Variants in SLC71A2 observed in about 807,000 individuals in gnomAD.
The protein encoded by SLC71A2 is solute carrier family 71 member 2.
the SLC71A2 span, chr9:94,440,876 A>G: frequency 5.0e-6 from 3 of 605,490 alleles, no homozygotes; most frequent in Non-Finnish European, 8.8e-6. Flanking sequence ...TACATATACA[A>G]GTATACTTAT....
chr9:94,451,537 A>G, the SLC71A2 span: 8 of 1,451,728 alleles, frequency 5.5e-6, no homozygotes, highest in Non-Finnish European at 7.5e-6. Flanking sequence ...GGTGAGTATC[A>G]TTTTATCTAT....
chr9:94,403,857 C>G, the SLC71A2 span, among the ~76,000 whole-genome samples: 2 of 152,174 alleles, frequency 1.3e-5, no homozygotes, highest in Non-Finnish European at 1.5e-5. Context: ...AAAAAAATCA[C>G]AGCTGCTGTA....
At chr9:94,400,368 T>C in the SLC71A2 span, among the ~76,000 whole-genome samples, 4 of 152,104 alleles carry the variant, frequency 2.6e-5, no homozygotes, top group South Asian at 2.1e-4. Flanking sequence ...AAAGAACTCA[T>C]TGGAGACAAA....
At chr9:94,459,695 T>G in the SLC71A2 span, 1 of 349,738 alleles carries the variant, frequency 2.9e-6, no homozygotes, top group Admixed American at 4.3e-5. Context: ...ATAGAAAAAG[T>G]CATCTCTCTG....
At chr9:94,389,806 C>T in the SLC71A2 span, among the ~76,000 whole-genome samples, 1 of 152,114 alleles carries the variant, frequency 6.6e-6, no homozygotes, top group South Asian at 2.1e-4. Flanking sequence ...TGGGGTCTCA[C>T]TATGTTGCCC....
the SLC71A2 span, among the ~76,000 whole-genome samples, chr9:94,400,647 T>C: frequency 2.0e-5 from 3 of 152,056 alleles, no homozygotes; most frequent in Admixed American, 2.0e-4. Context: ...AGTGAGGTTG[T>C]TTCCTGTGTT....
chr9:94,382,582 G>T, the SLC71A2 span, among the ~76,000 whole-genome samples: 1 of 151,764 alleles, frequency 6.6e-6, no homozygotes, highest in South Asian at 2.1e-4. Flanking sequence ...TTATCAATTT[G>T]CTCTTTTATA....
chr9:94,419,464 T>TTTTG, the SLC71A2 span, among the ~76,000 whole-genome samples: 2 of 151,962 alleles, frequency 1.3e-5, no homozygotes, highest in African/African-American at 4.8e-5. Context: ...TGGCTCTTTT[T>TTTTG]TTTTGTTTTG....
At chr9:94,378,028 T>C in the SLC71A2 span, among the ~76,000 whole-genome samples, 1 of 150,854 alleles carries the variant, frequency 6.6e-6, no homozygotes, top group African/African-American at 2.4e-5. Flanking sequence ...CGCTTGAACC[T>C]GGGAGGCGGA....
the SLC71A2 span, among the ~76,000 whole-genome samples, chr9:94,436,314 C>T: frequency 6.6e-6 from 1 of 152,126 alleles, no homozygotes; most frequent in African/African-American, 2.4e-5. Context: ...GAGGAATTTT[C>T]TGCTAGAGGT....
chr9:94,381,881 G>A, the SLC71A2 span, among the ~76,000 whole-genome samples: 4 of 152,200 alleles, frequency 2.6e-5, no homozygotes, highest in East Asian at 1.9e-4. Context: ...ATTGCAGCTA[G>A]CACTGTATGA....
the SLC71A2 span, among the ~76,000 whole-genome samples, chr9:94,396,039 A>G: frequency 2.0e-5 from 3 of 151,696 alleles, no homozygotes; most frequent in African/African-American, 7.3e-5. Context: ...GTTGTGTATT[A>G]TAGGAGGAGG....
chr9:94,434,339 G>A, the SLC71A2 span, among the ~76,000 whole-genome samples: 1 of 152,102 alleles, frequency 6.6e-6, no homozygotes, highest in South Asian at 2.1e-4. Context: ...TTTTTGAGAC[G>A]GAGTCCCACC....
At chr9:94,388,171 TAGTC>T in the SLC71A2 span, among the ~76,000 whole-genome samples, 6 of 152,226 alleles carry the variant, frequency 3.9e-5, no homozygotes, top group African/African-American at 9.6e-5. Flanking sequence ...TTTAAATTAT[TAGTC>T]AGCCAGATAC....
chr9:94,414,521 A>G, the SLC71A2 span, among the ~76,000 whole-genome samples: 2 of 152,340 alleles, frequency 1.3e-5, no homozygotes, highest in African/African-American at 2.4e-5. Context: ...CTTCAGCCCT[A>G]GAGAAGTTAA....
the SLC71A2 span, among the ~76,000 whole-genome samples, chr9:94,389,883 C>A: frequency 2.0e-5 from 3 of 150,656 alleles, no homozygotes; most frequent in Non-Finnish European, 3.0e-5. Context: ...GCTGGGATTA[C>A]AGGCATTAGC....
chr9:94,405,781 T>G, the SLC71A2 span, among the ~76,000 whole-genome samples: 1 of 151,970 alleles, frequency 6.6e-6, no homozygotes, highest in Non-Finnish European at 1.5e-5. Context: ...TGGGGGTCCC[T>G]TAAGATTCTA....
the SLC71A2 span, among the ~76,000 whole-genome samples, chr9:94,405,339 C>CA: frequency 6.6e-6 from 1 of 151,740 alleles, no homozygotes; most frequent in Non-Finnish European, 1.5e-5. Context: ...ACTAAAAATA[C>CA]AAAAAATTAG....
chr9:94,396,919 C>T, the SLC71A2 span, among the ~76,000 whole-genome samples: 3 of 152,212 alleles, frequency 2.0e-5, no homozygotes, highest in African/African-American at 4.8e-5. Context: ...TACAGGCATG[C>T]GCCGCCACAC....
Sources: gnomAD v4.1 joint callset for allele counts (sites outside exome capture counted in the v4.1 genomes callset) on GRCh38, gnomAD v4.1.1 for gene constraint, MANE v1.5 for transcripts, NCBI Gene and HGNC (gene_info 2026-07-23, HGNC 2026-07-21) for gene names.